Variants in MTMR2 observed in about 807,000 individuals in gnomAD.
The protein encoded by MTMR2 is phosphatidylinositol-3,5-bisphosphate 3-phosphatase MTMR2.
Under a neutral mutation model 86.9 loss-of-function variants are expected in MTMR2, and 55 were observed. The ratio of observed to expected loss-of-function variants is 0.63; its 90% CI spans 0.51 to 0.79. The LOEUF (loss-of-function observed/expected upper bound fraction) is 0.79, where lower values mean the gene tolerates loss of function less well. MTMR2 is among the 30% of genes least tolerant of loss of function. The probability of loss-of-function intolerance (pLI) is 0.00; values close to 1 mark genes in which losing one functional copy is unlikely to be tolerated. For synonymous variants in MTMR2, 241 were observed against 266.8 expected (o/e 0.90, Z 0.94); for missense variants, 659 against 772.3 (o/e 0.85, Z 1.74).
intron 1 of MTMR2, among the ~76,000 whole-genome samples, chr11:95,915,785 C>T (rs1866675525): frequency 6.6e-6 from 1 of 152,114 alleles, no homozygotes; most frequent in Non-Finnish European, 1.5e-5. Flanking sequence ...GCAGAGTAGG[C>T]CATCAACTTC....
intron 1 of MTMR2, among the ~76,000 whole-genome samples, chr11:95,917,080 G>T (rs1431829815): frequency 6.6e-6 from 1 of 152,084 alleles, no homozygotes; most frequent in African/African-American, 2.4e-5. Context: ...TTTTTATACA[G>T]TTCCATTTTT....
chr11:95,865,472 T>A, intron 3 of MTMR2, 129 bp downstream of exon 3: 1 of 862,806 alleles, frequency 1.2e-6, no homozygotes, highest in East Asian at 2.4e-5. Flanking sequence ...CTGAGAAGAC[T>A]GCAGGTAAAG....
intron 10 of MTMR2, among the ~76,000 whole-genome samples, chr11:95,846,429 C>T (rs1863794857): frequency 6.6e-6 from 1 of 152,174 alleles, no homozygotes; most frequent in East Asian, 1.9e-4. Context: ...TACAGTATAC[C>T]AGATGGCAAT....
intron 12 of MTMR2, 69 bp from the exon 13 acceptor site, chr11:95,838,276 A>C: frequency 1.2e-6 from 1 of 857,104 alleles, no homozygotes; most frequent in South Asian, 1.3e-5. Context: ...TGTCATGGGT[A>C]GATCCTTTTG....
chr11:95,917,454 T>C (rs2031573271), intron 1 of MTMR2, among the ~76,000 whole-genome samples: 1 of 152,152 alleles, frequency 6.6e-6, no homozygotes, highest in Non-Finnish European at 1.5e-5. Context: ...GGTGATGGCC[T>C]CCTGGAATTA....
At chr11:95,877,363 T>TTTC (rs869076328) in intron 2 of MTMR2, among the ~76,000 whole-genome samples, 1 of 142,628 alleles carries the variant, frequency 7.0e-6, no homozygotes, top group Non-Finnish European at 1.5e-5. Context: ...TTTTTTTTTT[T>TTTC]ATATAACACA....
chr11:95,880,727 A>G (rs1865293182), intron 2 of MTMR2, among the ~76,000 whole-genome samples: 1 of 152,040 alleles, frequency 6.6e-6, no homozygotes, highest in South Asian at 2.1e-4. Context: ...CATTATGTAT[A>G]TATTTTTCCT....
intron 2 of MTMR2, among the ~76,000 whole-genome samples, chr11:95,883,707 G>A (rs1164632975): frequency 6.6e-6 from 1 of 152,110 alleles, no homozygotes; most frequent in African/African-American, 2.4e-5. Flanking sequence ...GATATATCTA[G>A]ACTAGTTCCA....
chr11:95,857,483 T>C (rs1864253425), intron 7 of MTMR2, 69 bp downstream of exon 7: 1 of 1,109,106 alleles, frequency 9.0e-7, no homozygotes, highest in East Asian at 2.4e-5. Flanking sequence ...TCGTACATGG[T>C]TCCACCCAGT....
chr11:95,893,302 T>C (rs948490991), intron 1 of MTMR2, among the ~76,000 whole-genome samples: 5 of 152,170 alleles, frequency 3.3e-5, no homozygotes, highest in African/African-American at 1.2e-4. Flanking sequence ...TTATCACTTC[T>C]GGGAATTACC....
chr11:95,885,536 A>C (rs530740172), intron 2 of MTMR2, among the ~76,000 whole-genome samples: 3 of 152,268 alleles, frequency 2.0e-5, no homozygotes, highest in South Asian at 4.1e-4. Context: ...AAGAACTCTC[A>C]ATTTGAAGCT....
At position 95,844,991 on chromosome 11, in the gene MTMR2, C is replaced by A; in HGVS notation, c.1348G>T (p.Glu450Ter). The A allele has an allele frequency of 6.2e-7, 1 of 1,613,890 alleles. No homozygotes were observed. Among genetic ancestry groups the A allele is most frequent in the Non-Finnish European group, 8.5e-7 (1 of 1,179,832 alleles). ...RTIRGFEVLV[E>*]KEWLSFGHRF... ...TGTCCAAAACTTAGCCATTCTTTCT[C>A]CACAAGGACTTCAAATCCTCGGATG... Residue 450 changes from glutamate to a stop codon, truncating the protein, a stop_gained, in exon 11 of 15, where the codon GAG (glutamate) becomes TAG (stop). Transcript: ENST00000346299. LOFTEE classifies it high-confidence loss of function.
chr11:95,879,540 C>T (rs1447564513), intron 2 of MTMR2, among the ~76,000 whole-genome samples: 4 of 152,172 alleles, frequency 2.6e-5, no homozygotes, highest in African/African-American at 4.8e-5. Context: ...CCAGTAGCCT[C>T]CAAACATGTC....
In MTMR2 at chr11:95,862,097, G is replaced by A; in HGVS notation, c.363C>T (p.Pro121=). Residue 121 remains proline, a synonymous_variant, in exon 5 of 15, where the codon CCC becomes CCT. Coordinates refer to ENST00000346299, the MANE Select transcript of MTMR2 (RefSeq NM_016156.6). ...RLYFKSMERD[P]PFVLDASLGV... ...CAAGGGAAGCATCTAAAACAAATGGGGGATCCTAAAGAAGGAAAGAAAAAA... is the reference window on the plus strand; with the variant it reads ...CAAGGGAAGCATCTAAAACAAATGGAGGATCCTAAAGAAGGAAAGAAAAAA... The A allele has an allele frequency of 6.2e-7, 1 of 1,612,522 alleles. No individual in the cohort carries two copies. Among genetic ancestry groups the A allele is most frequent in the East Asian group, 2.2e-5 (1 of 44,784 alleles).
intron 1 of MTMR2, among the ~76,000 whole-genome samples, chr11:95,896,753 G>A (rs1865893193): frequency 6.6e-6 from 1 of 151,974 alleles, no homozygotes; most frequent in South Asian, 2.1e-4. Context: ...GGGTAGGGAA[G>A]GTGGAAGTCT....
At chr11:95,898,525 C>T (rs1448241826) in intron 1 of MTMR2, among the ~76,000 whole-genome samples, 2 of 151,864 alleles carry the variant, frequency 1.3e-5, no homozygotes, top group African/African-American at 4.8e-5. Context: ...AACACACACA[C>T]ACAAAAAAAC....
intron 2 of MTMR2, among the ~76,000 whole-genome samples, chr11:95,874,361 T>A (rs1164518672): frequency 6.6e-6 from 1 of 152,234 alleles, no homozygotes; most frequent in African/African-American, 2.4e-5. Flanking sequence ...GGCCTCTTTG[T>A]GTCTTTTGAT....
At chr11:95,902,125 A>G (rs577989421) in intron 1 of MTMR2, among the ~76,000 whole-genome samples, 2 of 152,254 alleles carry the variant, frequency 1.3e-5, no homozygotes, top group East Asian at 3.9e-4. Flanking sequence ...CCTACTACTT[A>G]GTAGCCATGT....
intron 10 of MTMR2, among the ~76,000 whole-genome samples, chr11:95,847,209 C>G (rs943397669): frequency 6.6e-6 from 1 of 152,150 alleles, no homozygotes; most frequent in Non-Finnish European, 1.5e-5. Context: ...CTTCACAAAT[C>G]AACTAATATT....
Sources: gnomAD v4.1 joint callset for allele counts (sites outside exome capture counted in the v4.1 genomes callset) on GRCh38, gnomAD v4.1.1 for gene constraint, MANE v1.5 for transcripts, NCBI Gene and HGNC (gene_info 2026-07-23, HGNC 2026-07-21) for gene names.